The following ARID4B variants were observed in gnomAD, a reference collection of about 807,000 sequenced individuals.
ARID4B encodes the protein AT-rich interaction domain 4B.
Under a neutral mutation model 147.5 loss-of-function variants are expected in ARID4B, and 26 were observed. That is an observed-to-expected ratio of 0.18 (90% confidence interval 0.13 to 0.24). ARID4B has a LOEUF of 0.24. Ranked by LOEUF, ARID4B falls within the 10% of genes least tolerant of loss-of-function variation. ARID4B has a pLI of 1.00. For synonymous variants in ARID4B, 512 were observed against 507.9 expected (o/e 1.01, Z -0.11); for missense variants, 1,179 against 1,511.5 (o/e 0.78, Z 3.65).
intron 11 of ARID4B, among the ~76,000 whole-genome samples, chr1:235,227,492 G>T (rs1351552762): frequency 6.6e-6 from 1 of 152,106 alleles, no homozygotes; most frequent in Non-Finnish European, 1.5e-5. Flanking sequence ...CTTTACTACA[G>T]TTAAAAGGCA....
At position 235,229,406 on chromosome 1, in the gene ARID4B, AC is replaced by A. The variant is rs759064562; in HGVS notation, c.743-22del. 2.6e-5 allele frequency: 39 copies of A among 1,492,700 alleles called. No homozygotes were observed. In the African/African-American group the frequency reaches 5.2e-4, roughly 20 times the overall value. The allele number at this position is 1,492,700 out of a possible 1,614,324, so 92.5% of individuals were successfully genotyped here. A position where few individuals can be genotyped will look rare whatever the true frequency, so the allele number is the denominator to read the frequency against. On this transcript the variant is annotated intron_variant, in intron 10 of 23. Coordinates refer to ENST00000264183, the MANE Select transcript of ARID4B (RefSeq NM_016374.6). ...AAAGGCTGGAAACAGACCACAAGGT[AC>A]ATGAACTGAAGAAATTAAGACAATT...
In ARID4B at chr1:235,229,315, T is replaced by C; in HGVS notation, c.813A>G (p.Glu271=). The change falls in exon 11 of 24, where the codon GAA becomes GAG. Residue 271 remains glutamate, a synonymous_variant. Coordinates refer to ENST00000264183, the MANE Select transcript of ARID4B (RefSeq NM_016374.6). ...CCTCTGCTTCACTGCTAGAGCTATC[T>C]TCTTTCAATTCAGTCTTCCAGTTAG... ...IPANWKTELK[E]DSSSSEAEEE... 6.2e-7 allele frequency: 1 copy of C among 1,613,672 alleles called. No homozygotes were observed. The highest frequency in any genetic ancestry group is 8.5e-7 in the Non-Finnish European group (1 of 1,179,842).
chr1:235,298,379 C>A (rs990465720), intron 2 of ARID4B, among the ~76,000 whole-genome samples: 1 of 151,814 alleles, frequency 6.6e-6, no homozygotes, highest in East Asian at 1.9e-4. Flanking sequence ...GAATTAACAC[C>A]ACTAATTTTC....
rs1440033819 is a variant in ARID4B at position 235,194,103 on chromosome 1, C to T, written c.2035G>A (p.Val679Ile). 6.2e-7 allele frequency: 1 copy of T among 1,612,794 alleles called. No homozygotes were observed. Among genetic ancestry groups the T allele is most frequent in the African/African-American group, 1.3e-5 (1 of 74,854 alleles). The change falls in exon 19 of 24, where the codon GTA becomes ATA. Residue 679 changes from valine (V) to isoleucine (I), a missense_variant. This residue lies in a region of ARID4B where 321 missense variants were observed against 342.4 expected (regional missense o/e 0.94). Transcript: ENST00000264183. The stretch of plus-strand genomic sequence containing the variant: ...GCATCAGTGAGATCCAGTTTGGATA[C>T]CATTTCAGGAGATGGATTTGTCTGA... ...PFQTNPSPEM[V>I]SKLDLTDAKN...
chr1:235,248,947 T>TA (rs1669469630), intron 6 of ARID4B, among the ~76,000 whole-genome samples: 1 of 152,232 alleles, frequency 6.6e-6, no homozygotes, highest in Non-Finnish European at 1.5e-5. Flanking sequence ...ATGGCCCTGT[T>TA]ACCTAAAATG....
chr1:235,224,147 T>TTGCCC (rs1330677064), intron 12 of ARID4B, among the ~76,000 whole-genome samples: 1 of 152,188 alleles, frequency 6.6e-6, no homozygotes, highest in Non-Finnish European at 1.5e-5. Flanking sequence ...ATCATTCATT[T>TTGCCC]TGCCCTTCCC....
chr1:235,304,362 A>AG (rs1012566381), intron 2 of ARID4B, among the ~76,000 whole-genome samples: 10 of 151,764 alleles, frequency 6.6e-5, no homozygotes, highest in African/African-American at 1.9e-4. Flanking sequence ...ATAAAAAAAA[A>AG]GAAAAGAAAT....
At chr1:235,281,061 T>TCTAC (rs1316924832) in intron 2 of ARID4B, among the ~76,000 whole-genome samples, 20 of 151,672 alleles carry the variant, frequency 1.3e-4, no homozygotes, top group Non-Finnish European at 2.5e-4. Flanking sequence ...ACTCACCAAC[T>TCTAC]CTACAGCTTA....
chr1:235,324,887 G>T (rs1675112392), intron 2 of ARID4B, among the ~76,000 whole-genome samples: 2 of 152,124 alleles, frequency 1.3e-5, no homozygotes, highest in African/African-American at 4.8e-5. Flanking sequence ...CAGCCAGGGT[G>T]AAATAGTGAG....
chr1:235,302,153 G>GAAAAAAAAA (rs749154889), intron 2 of ARID4B, among the ~76,000 whole-genome samples: 6 of 30,666 alleles, frequency 2.0e-4, no homozygotes, highest in African/African-American at 2.7e-4. Context: ...TCAAAAAACG[G>GAAAAAAAAA]AAAAAAAAAA....
chr1:235,301,514 G>A (rs113710902), intron 2 of ARID4B, among the ~76,000 whole-genome samples: 1,830 of 150,688 alleles, frequency 0.012, 39 homozygotes, highest in African/African-American at 0.042. Context: ...ACTCCAGCCG[G>A]TGAGAGTGAG....
chr1:235,255,798 A>G (rs767442332), intron 4 of ARID4B, 48 bp from the exon 5 acceptor site: 52 of 1,342,180 alleles, frequency 3.9e-5, no homozygotes, highest in Non-Finnish European at 5.1e-5. Context: ...AGGTAAATTA[A>G]CAAACCAAAA....
At chr1:235,194,403 A>G (rs1012816105) in intron 18 of ARID4B, among the ~76,000 whole-genome samples, 192 bp from the exon 19 acceptor site, 3 of 152,200 alleles carry the variant, frequency 2.0e-5, no homozygotes, top group African/African-American at 7.2e-5. Context: ...AGGATGATCA[A>G]AAGGTTTTGT....
intron 2 of ARID4B, among the ~76,000 whole-genome samples, chr1:235,291,700 A>G (rs966939926): frequency 6.3e-5 from 9 of 143,394 alleles, no homozygotes; most frequent in African/African-American, 2.4e-4. Context: ...ACTAAAAAAT[A>G]GCCCGGGTGA....
intron 2 of ARID4B, among the ~76,000 whole-genome samples, chr1:235,297,908 A>C (rs577215455): frequency 6.6e-6 from 1 of 152,344 alleles, no homozygotes; most frequent in African/African-American, 2.4e-5. Flanking sequence ...TCCAACTGCA[A>C]TATGAAGACT....
At chr1:235,323,352 T>C (rs1401218962) in intron 2 of ARID4B, among the ~76,000 whole-genome samples, 2 of 151,830 alleles carry the variant, frequency 1.3e-5, no homozygotes, top group Non-Finnish European at 2.9e-5. Context: ...AGTATAATCA[T>C]CTAAATCATT....
chr1:235,256,055 T>G (rs1001683321), intron 4 of ARID4B, among the ~76,000 whole-genome samples: 3 of 151,184 alleles, frequency 2.0e-5, no homozygotes, highest in Admixed American at 6.6e-5. Flanking sequence ...GCGCCTGTAA[T>G]CCCAGCTACT....
chr1:235,317,274 T>TA (rs1243458183), intron 2 of ARID4B, among the ~76,000 whole-genome samples: 2 of 152,216 alleles, frequency 1.3e-5, no homozygotes, highest in Non-Finnish European at 2.9e-5. Flanking sequence ...AGTCAACAGA[T>TA]GATACCACAG....
intron 6 of ARID4B, among the ~76,000 whole-genome samples, chr1:235,249,981 C>A (rs1251359129): frequency 1.3e-5 from 2 of 148,920 alleles, no homozygotes; most frequent in Non-Finnish European, 3.0e-5. Flanking sequence ...GGGGCAGGTG[C>A]CTGTAGTTCC....
Sources: allele counts gnomAD v4.1 joint callset (sites outside exome capture counted in the v4.1 genomes callset), GRCh38; gene constraint gnomAD v4.1.1; regional missense constraint gnomAD v4.1.1; transcripts MANE v1.5; gene names NCBI Gene and HGNC (gene_info 2026-07-23, HGNC 2026-07-21).